The following CMTM3 variants were observed in gnomAD, a reference collection of about 807,000 sequenced individuals.
CMTM3 encodes the protein CKLF like MARVEL transmembrane domain containing 3.
A neutral mutation model predicts 18.2 loss-of-function variants in CMTM3; 7 were observed. That is an observed-to-expected ratio of 0.38 (90% CI 0.22 to 0.72). The LOEUF is 0.72. Among genes scored for constraint, CMTM3 ranks in the 30% least tolerant of loss-of-function variants. The pLI, the probability that CMTM3 is intolerant of heterozygous loss-of-function variation, is 0.46. For synonymous variants in CMTM3, 109 were observed against 111.2 expected, an observed-to-expected ratio of 0.98 and a Z score of 0.12; for missense variants, 227 against 249.2, an observed-to-expected ratio of 0.91 and a Z score of 0.60.
At chr16:66,606,342 C>T (rs2015153057) in intron 1 of CMTM3, among the ~76,000 whole-genome samples, 3 of 152,114 alleles carry the variant, frequency 2.0e-5, no homozygotes, top group African/African-American at 7.2e-5. Context: ...GGGGTGCAGG[C>T]ATAGGAGACA....
Position 66,613,066 on chromosome 16 carries a change from C to T in CMTM3, c.*429C>T, listed in dbSNP as rs201176748. On this transcript the variant is annotated 3_prime_UTR_variant, in exon 5 of 5. Coordinates refer to ENST00000567572, the MANE Select transcript of CMTM3 (RefSeq NM_181553.4). ...ATGACAGGGCTGCCCCGCCAGGCCCCGGTGGGTTTGTCTGCACTTGGTGCT... is the reference window on the plus strand; with the variant it reads ...ATGACAGGGCTGCCCCGCCAGGCCCTGGTGGGTTTGTCTGCACTTGGTGCT... 60 of 703,000 alleles carry T rather than the reference C, an allele frequency of 8.5e-5. No individual in the cohort carries two copies. Among genetic ancestry groups the T allele is most frequent in the East Asian group, 2.7e-4 (10 of 37,274 alleles). 43.5% of individuals were successfully genotyped at this position (703,000 alleles called of 1,614,324 possible).
rs1342311133 is a variant in CMTM3, at chr16:66,610,661, C to A, written c.520+658C>A. On this transcript the variant is annotated intron_variant, in intron 4 of 4. Transcript: ENST00000567572. The surrounding 1 kb of genome is among the most constrained non-coding windows in gnomAD (Gnocchi z 4.6). ...TAGGGAAGAAGGCTGAGAGCAGAGA[C>A]AGCAGGCGCTTCTGCCTGGGGAGAT... 1.3e-5 allele frequency among the ~76,000 whole-genome samples: 2 copies of A among 152,122 alleles called. No homozygotes were observed. The highest frequency in any genetic ancestry group is 2.4e-5 in the African/African-American group (1 of 41,416).
intron 4 of CMTM3, chr16:66,611,139 T>C: frequency 2.8e-6 from 1 of 355,134 alleles, no homozygotes; most frequent in Non-Finnish European, 5.0e-6. Flanking sequence ...TGTAAAATTA[T>C]TCTTGACTTA....
At chr16:66,604,671 C>T, upstream of CMTM3, 1 of 607,266 alleles carries the variant, frequency 1.6e-6, no homozygotes, top group Non-Finnish European at 2.3e-6. Context: ...CGGGGCGGGG[C>T]GTGGCGGCGG....
chr16:66,609,520 A>G lies in CMTM3; in HGVS notation c.389A>G (p.Lys130Arg). ...GCCAAGTACTCGGATGGGGCTTCCAAAGCCGCTGGGGTGAGCAGCCGCCCC... is the reference window on the plus strand; with the variant it reads ...GCCAAGTACTCGGATGGGGCTTCCAGAGCCGCTGGGGTGAGCAGCCGCCCC... ...AIAKYSDGAS[K>R]AAGVFGFFAT... is the part of the protein sequence containing the mutation. The change falls in exon 3 of 5, where the codon AAA becomes AGA. Residue 130 changes from lysine (K) to arginine (R), a missense_variant. Transcript: ENST00000567572. The surrounding 1 kb of genome is among the most constrained non-coding windows in gnomAD (Gnocchi z 4.4). 5 of 1,602,026 alleles carry G rather than the reference A, an allele frequency of 3.1e-6. No individual in the cohort carries two copies. Among genetic ancestry groups the G allele is most frequent in the Non-Finnish European group, 3.4e-6 (4 of 1,173,880 alleles).
At position 66,613,247 on chromosome 16, in the gene CMTM3, C is replaced by T. The variant is rs2015451979; in HGVS notation, c.*610C>T. 1 of 653,428 alleles carries T rather than the reference C, an allele frequency of 1.5e-6. No individual in the cohort carries two copies. The highest frequency in any genetic ancestry group is 2.8e-6 in the Non-Finnish European group (1 of 360,748). 40.5% of individuals were successfully genotyped at this position (653,428 alleles called of 1,614,324 possible). A position where few individuals can be genotyped will look rare whatever the true frequency, so the allele number is the denominator to read the frequency against. On this transcript the variant is annotated 3_prime_UTR_variant, in exon 5 of 5. Coordinates refer to ENST00000567572, the MANE Select transcript of CMTM3 (RefSeq NM_181553.4). ...CGGCACCCATAACTAACACCTCCCACCCTTGGAAACCATGTCTTCTGGGGG... is the reference window on the plus strand; with the variant it reads ...CGGCACCCATAACTAACACCTCCCATCCTTGGAAACCATGTCTTCTGGGGG...
At chr16:66,606,110 T>C (rs1180070191) in intron 1 of CMTM3, among the ~76,000 whole-genome samples, 1 of 151,266 alleles carries the variant, frequency 6.6e-6, no homozygotes, top group Admixed American at 6.6e-5. Context: ...CCAGCAGATG[T>C]CAGGAATCCA....
In CMTM3 at chr16:66,610,633, G is replaced by T. The variant is rs576538857; in HGVS notation, c.520+630G>T. 1.3e-5 allele frequency among the ~76,000 whole-genome samples: 2 copies of T among 152,234 alleles called. No individual in the cohort carries two copies. Among genetic ancestry groups the T allele is most frequent in the African/African-American group, 4.8e-5 (2 of 41,448 alleles). ...TGTGCAGGCAGAAGAGACCAGGCCG[G>T]TGTAGGGAAGAAGGCTGAGAGCAGA... On this transcript the variant is annotated intron_variant, in intron 4 of 4. Transcript: ENST00000567572. This position sits in a 1 kb window ranked among gnomAD's most constrained non-coding sequence, Gnocchi z 4.6.
chr16:66,607,400 C>T (rs2015197449), intron 1 of CMTM3, among the ~76,000 whole-genome samples: 2 of 152,240 alleles, frequency 1.3e-5, no homozygotes, highest in Non-Finnish European at 2.9e-5. Flanking sequence ...TGCCAACGCA[C>T]CCTCTGTTAG....
chr16:66,606,210 C>T (rs1162009434), intron 1 of CMTM3, among the ~76,000 whole-genome samples: 1 of 152,084 alleles, frequency 6.6e-6, no homozygotes, highest in East Asian at 1.9e-4. Flanking sequence ...TCCCCTCACT[C>T]CCACCCCCAG....
Position 66,604,959 on chromosome 16 carries a change from G to T in CMTM3, c.147+7G>T. On this transcript the variant is annotated splice_region_variant and intron_variant, in intron 1 of 4. Coordinates refer to ENST00000567572, the MANE Select transcript of CMTM3 (RefSeq NM_181553.4). The stretch of plus-strand genomic sequence containing the variant: ...CCTCCTGCTGGCCGAGTCGGTGAGT[G>T]CGGCGGGACCCTCGGCCGCCCCGCT... 6.7e-7 allele frequency: 1 copy of T among 1,497,232 alleles called. No individual in the cohort carries two copies. The highest frequency in any genetic ancestry group is 2.9e-5 in the East Asian group (1 of 34,988). 92.7% of individuals were successfully genotyped at this position (1,497,232 alleles called of 1,614,324 possible).
chr16:66,612,948 C>A lies in CMTM3; in HGVS notation c.*311C>A. ...ACCAGCACAAGGAGACAAAGCAGAG[C>A]CTTGTCTGTATCTGGGCAGCAGGTG... On this transcript the variant is annotated 3_prime_UTR_variant, in exon 5 of 5. Transcript: ENST00000567572. The surrounding 1 kb of genome is among the most constrained non-coding windows in gnomAD (Gnocchi z 6.0). 1 of 663,410 alleles carries A rather than the reference C, an allele frequency of 1.5e-6. No homozygotes were observed. The highest frequency in any genetic ancestry group is 1.6e-5 in the South Asian group (1 of 62,218). 41.1% of individuals were successfully genotyped at this position (663,410 alleles called of 1,614,324 possible).
At position 66,604,940 on chromosome 16, in the gene CMTM3, G is replaced by A. The variant is rs1435932821; in HGVS notation, c.135G>A (p.Leu45=). ...TCTGCTCTCTCAAAGGCCGCCTCCT[G>A]CTGGCCGAGTCGGTGAGTGCGGCGG... ...AFLCSLKGRL[L]LAESGLSFIT... The change falls in exon 1 of 5, where the codon CTG becomes CTA. Residue 45 remains leucine, a synonymous_variant. Coordinates refer to ENST00000567572, the MANE Select transcript of CMTM3 (RefSeq NM_181553.4). 1 of 1,503,248 alleles carries A rather than the reference G, an allele frequency of 6.7e-7. No individual in the cohort carries two copies. 93.1% of individuals were successfully genotyped at this position (1,503,248 alleles called of 1,614,324 possible).
rs563204531 is a variant in CMTM3 at position 66,613,838 on chromosome 16, T to A, written c.*1201T>A. 6.6e-6 allele frequency: 1 copy of A among 152,354 alleles called. No individual in the cohort carries two copies. Among genetic ancestry groups the A allele is most frequent in the South Asian group, 2.1e-4 (1 of 4,826 alleles). The allele number at this position is 152,354 out of a possible 1,614,324, so 9.4% of individuals were successfully genotyped here. ...TACAAACTGGTAACACCAATGTGGA[T>A]CCTGACAGCTTTCAGTTTTAGCAAA... is the stretch of plus-strand genomic sequence containing the variant. On this transcript the variant is annotated 3_prime_UTR_variant, in exon 5 of 5. Coordinates refer to ENST00000567572, the MANE Select transcript of CMTM3 (RefSeq NM_181553.4).
In CMTM3 at chr16:66,608,220, T is replaced by C; in HGVS notation, c.148-89T>C. ...GTTGGCTTCCCCTGCTGGAACCTCC[T>C]CTATCCTGACCACAGGGCCTGGCTC... On this transcript the variant is annotated intron_variant, in intron 1 of 4. Transcript: ENST00000567572. This position sits in a 1 kb window ranked among gnomAD's most constrained non-coding sequence, Gnocchi z 5.1. The C allele has an allele frequency of 6.8e-7, 1 of 1,478,936 alleles. No individual in the cohort carries two copies. Among genetic ancestry groups the C allele is most frequent in the Non-Finnish European group, 9.3e-7 (1 of 1,073,978 alleles). The allele number at this position is 1,478,936 out of a possible 1,614,324, so 91.6% of individuals were successfully genotyped here.
At position 66,608,563 on chromosome 16, in the gene CMTM3, T is replaced by A; in HGVS notation, c.303+99T>A. 1 of 1,220,476 alleles carries A rather than the reference T, an allele frequency of 8.2e-7. No homozygotes were observed. The highest frequency in any genetic ancestry group is 1.1e-6 in the Non-Finnish European group (1 of 869,742). The allele number at this position is 1,220,476 out of a possible 1,614,324, so 75.6% of individuals were successfully genotyped here. On this transcript the variant is annotated intron_variant, in intron 2 of 4. Coordinates refer to ENST00000567572, the MANE Select transcript of CMTM3 (RefSeq NM_181553.4). This position sits in a 1 kb window ranked among gnomAD's most constrained non-coding sequence, Gnocchi z 5.1. ...TTGGGCCCTTATCCTTTCTCTAGTG[T>A]GCTGGAGTTTGCAGTTGGTTAGAAC...
At chr16:66,607,302 C>T (rs2015193676) in intron 1 of CMTM3, among the ~76,000 whole-genome samples, 1 of 152,236 alleles carries the variant, frequency 6.6e-6, no homozygotes, top group Non-Finnish European at 1.5e-5. Context: ...CCACAGTGAA[C>T]ATTTTGATTC....
Position 66,604,766 on chromosome 16 carries a change from G to C in CMTM3, c.-40G>C. 2 of 1,221,326 alleles carry C rather than the reference G, an allele frequency of 1.6e-6. No individual in the cohort carries two copies. The highest frequency in any genetic ancestry group is 2.0e-6 in the Non-Finnish European group (2 of 981,832). The allele number at this position is 1,221,326 out of a possible 1,614,324, so 75.7% of individuals were successfully genotyped here. On this transcript the variant is annotated 5_prime_UTR_variant, in exon 1 of 5. Transcript: ENST00000567572. ...CGCTTCCCTCCGGGCGCGAGAAGAG[G>C]GGAGCCAGGCCGAGCCCCGGCCCTA... is the stretch of plus-strand genomic sequence containing the variant.
chr16:66,610,703 C>A lies in CMTM3; in HGVS notation c.520+700C>A. ...TGGGGAGATGCTTCTCTGGACCAGG[C>A]GGATGTGCCCCTGTGCTGGCAGTGC... On this transcript the variant is annotated intron_variant, in intron 4 of 4. Transcript: ENST00000567572. The surrounding 1 kb of genome is among the most constrained non-coding windows in gnomAD (Gnocchi z 4.6). 2.5e-6 allele frequency: 1 copy of A among 397,078 alleles called. No homozygotes were observed. The allele number at this position is 397,078 out of a possible 1,614,324, so 24.6% of individuals were successfully genotyped here.
Sources: gnomAD v4.1 joint callset for allele counts (sites outside exome capture counted in the v4.1 genomes callset) on GRCh38, gnomAD v4.1.1 for gene constraint, Gnocchi (gnomAD v3.1) non-coding constraint, MANE v1.5 for transcripts, NCBI Gene and HGNC (gene_info 2026-07-23, HGNC 2026-07-21) for gene names.